MORC1: variants seen among roughly 807,000 people sequenced by gnomAD.
MORC1 encodes the protein MORC family CW-type zinc finger 1.
Under a neutral mutation model 134.9 loss-of-function variants are expected in MORC1, and 59 were observed. That is an observed-to-expected ratio of 0.44 (90% CI 0.35 to 0.54). The LOEUF (loss-of-function observed/expected upper bound fraction) is 0.54. Among genes scored for constraint, MORC1 ranks in the 20% least tolerant of loss-of-function variants. The probability of loss-of-function intolerance (pLI) is 0.00; values close to 1 mark genes in which losing one functional copy is unlikely to be tolerated. For missense variants in MORC1, 947 were observed against 1,134.5 expected (o/e 0.83, Z 2.37); for synonymous variants, 395 against 391.7 (o/e 1.01, Z -0.10).
intron 26 of MORC1, among the ~76,000 whole-genome samples, chr3:108,965,373 C>G (rs1051409836): frequency 6.6e-6 from 1 of 152,100 alleles, no homozygotes; most frequent in Admixed American, 6.5e-5. Context: ...CCCGAAGTGA[C>G]GCTGAATAAA....
At chr3:109,040,948 G>C (rs1949529975) in intron 14 of MORC1, among the ~76,000 whole-genome samples, 1 of 151,760 alleles carries the variant, frequency 6.6e-6, no homozygotes, top group Non-Finnish European at 1.5e-5. Context: ...AGAAATTATG[G>C]AGCTGAAAAA....
chr3:109,090,300 A>C (rs999394554), intron 8 of MORC1, among the ~76,000 whole-genome samples: 1 of 152,028 alleles, frequency 6.6e-6, no homozygotes, highest in Non-Finnish European at 1.5e-5. Context: ...CAGAATGATA[A>C]AAGGTTTTGA....
chr3:109,064,718 T>C (rs1253215485), intron 9 of MORC1, among the ~76,000 whole-genome samples: 1 of 152,166 alleles, frequency 6.6e-6, no homozygotes, highest in African/African-American at 2.4e-5. Flanking sequence ...GTTTACCTGG[T>C]TTAGTTATAT....
intron 8 of MORC1, among the ~76,000 whole-genome samples, chr3:109,073,269 G>A (rs1042274101): frequency 6.6e-6 from 1 of 152,186 alleles, no homozygotes; most frequent in Admixed American, 6.5e-5. Flanking sequence ...ATCAAACTGT[G>A]TTAAGGGCAG....
intron 17 of MORC1, among the ~76,000 whole-genome samples, chr3:109,012,616 C>G (rs1226625316): frequency 6.6e-6 from 1 of 152,126 alleles, no homozygotes; most frequent in East Asian, 1.9e-4. Context: ...TTTCAGTGTA[C>G]AGGTCTTACA....
At chr3:109,055,765 TTC>T (rs1256609009) in intron 13 of MORC1, among the ~76,000 whole-genome samples, 3 of 152,218 alleles carry the variant, frequency 2.0e-5, no homozygotes, top group Non-Finnish European at 2.9e-5. Flanking sequence ...GCTTTGAAGT[TTC>T]TCTTTTACCG....
At chr3:108,994,853 C>T (rs1322023653) in intron 21 of MORC1, among the ~76,000 whole-genome samples, 1 of 152,134 alleles carries the variant, frequency 6.6e-6, no homozygotes, top group Non-Finnish European at 1.5e-5. Context: ...GGTCTGCCAA[C>T]CTATTCTTCC....
At position 108,970,104 on chromosome 3, in the gene MORC1, G is replaced by A. The variant is rs549710920; in HGVS notation, c.2551-382C>T. Reference sequence around the variant, plus strand: ...AAACAGATGGGGAAGTCACTGGCATGTGGGGGGTAGTATTAATATTTTAAA... The same window carrying A: ...AAACAGATGGGGAAGTCACTGGCATATGGGGGGTAGTATTAATATTTTAAA... On this transcript the variant is annotated intron_variant, in intron 25 of 27. Transcript: ENST00000232603. Among the ~76,000 whole-genome samples the A allele has an allele frequency of 1.7e-3, 252 of 152,158 alleles. 2 individuals are homozygous for A. The highest frequency in any genetic ancestry group is 2.7e-3 in the Non-Finnish European group (182 of 68,006).
At chr3:109,085,301 T>G (rs1057060895) in intron 8 of MORC1, among the ~76,000 whole-genome samples, 3 of 152,080 alleles carry the variant, frequency 2.0e-5, no homozygotes, top group African/African-American at 7.2e-5. Flanking sequence ...GCAAAGAAGA[T>G]AGTCAACAAA....
At chr3:109,072,287 G>A (rs1011062216) in intron 8 of MORC1, among the ~76,000 whole-genome samples, 7 of 152,102 alleles carry the variant, frequency 4.6e-5, no homozygotes, top group African/African-American at 1.4e-4. Context: ...CCCCAAGGCT[G>A]GCATATTCAG....
chr3:109,054,802 T>C lies in MORC1; in HGVS notation c.1256A>G (p.Asn419Ser), dbSNP rs1426581584. Reference protein sequence around the residue: ...EPSHNKQEFLNVQEYNHLLKV... With the variant: ...EPSHNKQEFLSVQEYNHLLKV... ...TAGTAGATGATTATACTCTTGGACATTGAGAAATTCCTGTTTATTATGGGA... is the reference window on the plus strand; with the variant it reads ...TAGTAGATGATTATACTCTTGGACACTGAGAAATTCCTGTTTATTATGGGA... Residue 419 changes from asparagine to serine, a missense_variant, in exon 14 of 28, where the codon AAT becomes AGT. By Grantham distance (46) the Asn-to-Ser change is conservative (BLOSUM62 1). This residue lies in a region of MORC1 where 722 missense variants were observed against 817.0 expected (regional missense o/e 0.88). Transcript: ENST00000232603. 6.2e-7 allele frequency: 1 copy of C among 1,608,092 alleles called. No homozygotes were observed. Among genetic ancestry groups the C allele is most frequent in the Non-Finnish European group, 8.5e-7 (1 of 1,178,540 alleles).
At chr3:108,967,149 C>T (rs2715751) in intron 26 of MORC1, among the ~76,000 whole-genome samples, 52,596 of 151,838 alleles carry the variant, frequency 0.35, 9,524 homozygotes, top group Middle Eastern at 0.49. Flanking sequence ...TTTTTTAATC[C>T]GACTTGTCCT....
At position 109,032,769 on chromosome 3, in the gene MORC1, A is replaced by C. The variant is rs1949269277; in HGVS notation, c.1516T>G (p.Phe506Val). The part of the protein sequence containing the change: ...PSSTNYQEKE[F>V]FDIWICANNP... ...TTAGCACAAATCCAAATGTCAAAAAATTCTTTTTCCTGATAATTAGTAGAG... is the reference window on the plus strand; with the variant it reads ...TTAGCACAAATCCAAATGTCAAAAACTTCTTTTTCCTGATAATTAGTAGAG... The change falls in exon 16 of 28, where the codon TTT becomes GTT. Residue 506 changes from phenylalanine to valine, a missense_variant. Phe to Val is a conservative substitution (Grantham distance 50). Coordinates refer to ENST00000232603, the MANE Select transcript of MORC1 (RefSeq NM_014429.4). 1 of 1,609,586 alleles carries C rather than the reference A, an allele frequency of 6.2e-7. No homozygotes were observed.
intron 14 of MORC1, among the ~76,000 whole-genome samples, chr3:109,039,306 G>A (rs904527712): frequency 1.3e-5 from 2 of 152,160 alleles, no homozygotes; most frequent in Admixed American, 6.5e-5. Context: ...TTTGAGTGCT[G>A]GTTCTGTTAC....
rs16855183 is a variant in MORC1, at chr3:109,000,722, T to A, written c.2086-64A>T. 4.0e-4 allele frequency: 474 copies of A among 1,180,238 alleles called. 6 individuals are homozygous for A. The East Asian group carries it at 7.5e-3, about 19-fold the overall frequency. The allele number at this position is 1,180,238 out of a possible 1,614,324, so 73.1% of individuals were successfully genotyped here. ...TGGCAATCAATGGTACATACTAAACTACCTTCACTCTTCATTCTGCCTCTA... is the reference window on the plus strand; with the variant it reads ...TGGCAATCAATGGTACATACTAAACAACCTTCACTCTTCATTCTGCCTCTA... On this transcript the variant is annotated intron_variant, in intron 20 of 27. Transcript: ENST00000232603.
intron 23 of MORC1, among the ~76,000 whole-genome samples, 169 bp downstream of exon 23, chr3:108,984,547 G>GGA (rs1947842281): frequency 6.6e-6 from 1 of 152,000 alleles, no homozygotes; most frequent in African/African-American, 2.4e-5. Context: ...AAAGGTTTGG[G>GGA]GGTAAGGTGT....
chr3:109,026,241 G>T (rs950450487), intron 17 of MORC1, among the ~76,000 whole-genome samples: 1 of 152,116 alleles, frequency 6.6e-6, no homozygotes, highest in African/African-American at 2.4e-5. Flanking sequence ...AAGGAGGATG[G>T]AGTGGATTCT....
intron 5 of MORC1, 69 bp from the exon 6 acceptor site, chr3:109,099,535 T>G (rs559070947): frequency 4.3e-6 from 5 of 1,164,830 alleles, no homozygotes; most frequent in Non-Finnish European, 6.1e-6. Flanking sequence ...AGGCAGACTG[T>G]TATCACCGTG....
At chr3:109,027,982 C>G (rs1384490316) in intron 16 of MORC1, 93 bp from the exon 17 acceptor site, 1 of 1,353,736 alleles carries the variant, frequency 7.4e-7, no homozygotes, top group Non-Finnish European at 1.0e-6. Context: ...AGGAGTTACT[C>G]TTTATGTCAT....
Sources: allele counts gnomAD v4.1 joint callset (sites outside exome capture counted in the v4.1 genomes callset), GRCh38; gene constraint gnomAD v4.1.1; regional missense constraint gnomAD v4.1.1; transcripts MANE v1.5; gene names NCBI Gene and HGNC (gene_info 2026-07-23, HGNC 2026-07-21).